Variants in SLFN12L observed in about 807,000 individuals in gnomAD.
SLFN12L encodes the protein schlafen family member 12-like.
Under a neutral mutation model 34.8 loss-of-function variants are expected in SLFN12L, and 34 were observed. The ratio of observed to expected loss-of-function variants is 0.98; its 90% CI spans 0.74 to 1.30. The LOEUF (loss-of-function observed/expected upper bound fraction) is 1.30. SLFN12L is among the 50% of genes most tolerant of loss of function. SLFN12L has a pLI of 0.00. For missense variants in SLFN12L, 703 were observed against 696.2 expected (o/e 1.01, Z -0.11); for synonymous variants, 259 against 247.5 (o/e 1.05, Z -0.44).
chr17:35,485,134 G>A (rs1416223961), intron 2 of SLFN12L, among the ~76,000 whole-genome samples: 3 of 151,864 alleles, frequency 2.0e-5, no homozygotes, highest in Non-Finnish European at 2.9e-5. Context: ...TCTAGCTAAA[G>A]GTTTGTCAAT....
chr17:35,479,258 C>G lies in SLFN12L; in HGVS notation c.1024G>C (p.Gly342Arg), dbSNP rs1914178725. ...TCCACTCTGAGTGCATACACATATCCACAAAGCCTTCCTTTATCATATACT... is the reference window on the plus strand; with the variant it reads ...TCCACTCTGAGTGCATACACATATCGACAAAGCCTTCCTTTATCATATACT... ...LGVYDKGRLCGYVYALRVERF... is the reference protein window; with the variant it reads ...LGVYDKGRLCRYVYALRVERF... Residue 342 changes from glycine (G) to arginine (R), a missense_variant, in exon 3 of 5, where the codon GGA becomes CGA. Physicochemically the swap from Gly to Arg is moderately radical, Grantham distance 125. Coordinates refer to ENST00000628453, the MANE Select transcript of SLFN12L (RefSeq NM_001363830.2). 1 of 1,592,746 alleles carries G rather than the reference C, an allele frequency of 6.3e-7. No individual in the cohort carries two copies. The highest frequency in any genetic ancestry group is 1.7e-5 in the Admixed American group (1 of 57,206).
intron 2 of SLFN12L, among the ~76,000 whole-genome samples, chr17:35,508,595 A>T (rs1915542300): frequency 6.6e-6 from 1 of 152,068 alleles, no homozygotes; most frequent in Admixed American, 6.6e-5. Context: ...TGATCTGCCC[A>T]CCTTGGCCTC....
At position 35,466,485 on chromosome 17, in the gene SLFN12L, G is replaced by A. The variant is rs940699554; in HGVS notation, c.*8438C>T. Among the ~76,000 whole-genome samples, 2 of 152,182 alleles carry A rather than the reference G, an allele frequency of 1.3e-5. No individual in the cohort carries two copies. The highest frequency in any genetic ancestry group is 1.3e-4 in the Admixed American group (2 of 15,282). On this transcript the variant is annotated 3_prime_UTR_variant, in exon 5 of 5. Coordinates refer to ENST00000628453, the MANE Select transcript of SLFN12L (RefSeq NM_001363830.2). The stretch of plus-strand genomic sequence containing the variant: ...TAAGTGCATGCACCTTCCTCTGGGA[G>A]CACAGATATGATATTACATTAATAA...
In SLFN12L at chr17:35,472,308, T is replaced by C. The variant is rs1163951387; in HGVS notation, c.*2615A>G. 2.6e-5 allele frequency among the ~76,000 whole-genome samples: 4 copies of C among 152,232 alleles called. No homozygotes were observed. Among genetic ancestry groups the C allele is most frequent in the Admixed American group, 6.5e-5 (1 of 15,278 alleles). Reference sequence around the variant, plus strand: ...TTAGTCCATCTTGGGTTAATTTTTGTATAAGGTGTAAGGAAGGGATCCAGT... The same window carrying C: ...TTAGTCCATCTTGGGTTAATTTTTGCATAAGGTGTAAGGAAGGGATCCAGT... On this transcript the variant is annotated 3_prime_UTR_variant, in exon 5 of 5. Transcript: ENST00000628453.
In SLFN12L at chr17:35,522,530, G is replaced by A; in HGVS notation, c.-166C>T. ...TCAAGAGAGACCTGAAGCCGAGCAA[G>A]ACAATCACGAGGGACTGCAGCAGGG... On this transcript the variant is annotated 5_prime_UTR_variant, in exon 2 of 5. Transcript: ENST00000628453. 4 of 1,612,278 alleles carry A rather than the reference G, an allele frequency of 2.5e-6. No homozygotes were observed. Among genetic ancestry groups the A allele is most frequent in the Non-Finnish European group, 3.4e-6 (4 of 1,179,060 alleles).
At position 35,468,485 on chromosome 17, in the gene SLFN12L, C is replaced by G. The variant is rs951773038; in HGVS notation, c.*6438G>C. 2.6e-5 allele frequency among the ~76,000 whole-genome samples: 4 copies of G among 152,216 alleles called. No individual in the cohort carries two copies. The highest frequency in any genetic ancestry group is 9.6e-5 in the African/African-American group (4 of 41,470). On this transcript the variant is annotated 3_prime_UTR_variant, in exon 5 of 5. Transcript: ENST00000628453. ...CCCCTGCACCAGACATGGCGTCACC[C>G]TAAACACAAAAACCTTCACCCCAGT...
At chr17:35,491,702 G>A (rs1216377292) in intron 2 of SLFN12L, among the ~76,000 whole-genome samples, 2 of 152,248 alleles carry the variant, frequency 1.3e-5, no homozygotes, top group Non-Finnish European at 2.9e-5. Flanking sequence ...TGCTGATATG[G>A]AATGGAACTG....
At chr17:35,481,169 G>A (rs1256955832) in intron 2 of SLFN12L, among the ~76,000 whole-genome samples, 2 of 152,208 alleles carry the variant, frequency 1.3e-5, no homozygotes, top group Admixed American at 6.5e-5. Context: ...GAAGGCACCC[G>A]TCACCTAGCA....
chr17:35,522,488 A>T lies in SLFN12L; in HGVS notation c.-124T>A. 6.2e-7 allele frequency: 1 copy of T among 1,613,428 alleles called. No homozygotes were observed. The highest frequency in any genetic ancestry group is 8.5e-7 in the Non-Finnish European group (1 of 1,179,650). On this transcript the variant is annotated 5_prime_UTR_variant, in exon 2 of 5. An upstream start codon of the reference 5' UTR is lost. Transcript: ENST00000628453. ...GGGCTGTGAGCAGATTTAAAACCTC[A>T]TAGCTGCACAGGTCACTCAAGAGAG...
rs1915204507 is a variant in SLFN12L, at chr17:35,499,201, C to T, written c.87-19006G>A. 2.0e-5 allele frequency: 19 copies of T among 929,600 alleles called. No homozygotes were observed. The South Asian group carries it at 2.7e-4, about 13-fold the overall frequency. The allele number at this position is 929,600 out of a possible 1,614,324, so 57.6% of individuals were successfully genotyped here. A position where few individuals can be genotyped will look rare whatever the true frequency, so the allele number is the denominator to read the frequency against. On this transcript the variant is annotated intron_variant, in intron 2 of 4. Transcript: ENST00000628453. ...GATGTGTGAATACCGTTTTTTCTTC[C>T]CTGCACCTGCCTTCCTAATTTGCTT...
At chr17:35,504,136 G>A (rs1219763391) in intron 2 of SLFN12L, among the ~76,000 whole-genome samples, 5 of 152,272 alleles carry the variant, frequency 3.3e-5, no homozygotes, top group Non-Finnish European at 7.4e-5. Flanking sequence ...GTGGGGACTT[G>A]CCAAGTCAAA....
At chr17:35,495,363 G>A (rs576066601) in intron 2 of SLFN12L, among the ~76,000 whole-genome samples, 1 of 152,136 alleles carries the variant, frequency 6.6e-6, no homozygotes, top group African/African-American at 2.4e-5. Context: ...AGGGTTTCTA[G>A]GTAGGTCAAT....
intron 2 of SLFN12L, among the ~76,000 whole-genome samples, chr17:35,510,515 T>A (rs1178442328): frequency 6.6e-6 from 1 of 152,234 alleles, no homozygotes; most frequent in Non-Finnish European, 1.5e-5. Context: ...GGTCACACGC[T>A]GTTATTCCTA....
chr17:35,527,850 C>T (rs1409214972), intron 1 of SLFN12L, among the ~76,000 whole-genome samples: 3 of 151,958 alleles, frequency 2.0e-5, no homozygotes, highest in African/African-American at 7.3e-5. Context: ...AAGTTCTGGC[C>T]AGGGAAATGA....
At position 35,468,261 on chromosome 17, in the gene SLFN12L, G is replaced by T. The variant is rs763797514; in HGVS notation, c.*6662C>A. ...GCTTTTGTTGTTTTATCATCTGGAG[G>T]CACCAACCCTCCATACAAGCCATTG... On this transcript the variant is annotated 3_prime_UTR_variant, in exon 5 of 5. Coordinates refer to ENST00000628453, the MANE Select transcript of SLFN12L (RefSeq NM_001363830.2). Among the ~76,000 whole-genome samples, 6 of 152,052 alleles carry T rather than the reference G, an allele frequency of 3.9e-5. No individual in the cohort carries two copies. Among genetic ancestry groups the T allele is most frequent in the Non-Finnish European group, 7.4e-5 (5 of 68,018 alleles).
At chr17:35,504,872 G>A (rs1915415824) in intron 2 of SLFN12L, among the ~76,000 whole-genome samples, 1 of 152,228 alleles carries the variant, frequency 6.6e-6, no homozygotes, top group South Asian at 2.1e-4. Flanking sequence ...TGGTGGTATT[G>A]TGGTGGACCT....
At chr17:35,486,716 C>T (rs1352987791) in intron 2 of SLFN12L, among the ~76,000 whole-genome samples, 2 of 152,154 alleles carry the variant, frequency 1.3e-5, no homozygotes, top group African/African-American at 4.8e-5. Flanking sequence ...CCACTGAAAT[C>T]CTTTATACTT....
rs968583789 is a variant in SLFN12L, at chr17:35,467,798, A to G, written c.*7125T>C. Reference sequence around the variant, plus strand: ...TCTGATATGGGACCCGTTTGAGCCTAAACTTCAACCATGAAGCAAGCAAGC... The same window carrying G: ...TCTGATATGGGACCCGTTTGAGCCTGAACTTCAACCATGAAGCAAGCAAGC... On this transcript the variant is annotated 3_prime_UTR_variant, in exon 5 of 5. Transcript: ENST00000628453. Among the ~76,000 whole-genome samples the G allele has an allele frequency of 6.6e-6, 1 of 152,240 alleles. No homozygotes were observed. The highest frequency in any genetic ancestry group is 2.4e-5 in the African/African-American group (1 of 41,456).
At chr17:35,477,405 C>T (rs548171187) in intron 4 of SLFN12L, among the ~76,000 whole-genome samples, 8 of 152,052 alleles carry the variant, frequency 5.3e-5, no homozygotes, top group Non-Finnish European at 8.8e-5. Context: ...CACTAAACCA[C>T]AAAATTTTTA....
Sources: gnomAD v4.1 joint callset for allele counts (sites outside exome capture counted in the v4.1 genomes callset) on GRCh38, gnomAD v4.1.1 for gene constraint, MANE v1.5 for transcripts, NCBI Gene and HGNC (gene_info 2026-07-23, HGNC 2026-07-21) for gene names.